The following LPIN2 variants were observed in gnomAD, a reference collection of about 807,000 sequenced individuals.
The protein encoded by LPIN2 is lipin 2, also known as phosphatidate phosphatase LPIN2.
In LPIN2, 55 loss-of-function variants were observed where a neutral mutation model predicts 111.4. The observed-to-expected ratio is 0.49, with a 90% CI of 0.40 to 0.62. The LOEUF (loss-of-function observed/expected upper bound fraction) is 0.62, where lower values mean the gene tolerates loss of function less well. LPIN2 is among the 20% of genes least tolerant of loss of function. The pLI is 0.00. For synonymous variants in LPIN2, 425 were observed against 414.0 expected (o/e 1.03, Z -0.32); for missense variants, 992 against 1,112.1 (o/e 0.89, Z 1.54).
At chr18:2,927,605 A>C (rs767528914) in intron 12 of LPIN2, 117 bp downstream of exon 12, 12 of 1,049,074 alleles carry the variant, frequency 1.1e-5, no homozygotes, top group African/African-American at 1.6e-5. Flanking sequence ...GGAAACTGCT[A>C]TATGGTAAAA....
intron 4 of LPIN2, chr18:2,945,670 A>T: frequency 7.0e-7 from 1 of 1,422,948 alleles, no homozygotes; most frequent in South Asian, 1.1e-5. Flanking sequence ...CATAGTTAAT[A>T]ACTTCGCTTT....
At chr18:2,991,069 C>T (rs535470995) in intron 1 of LPIN2, 274 of 557,648 alleles carry the variant, frequency 4.9e-4, no homozygotes, top group Non-Finnish European at 8.9e-4. Context: ...CAGAATGACT[C>T]GAGCAGACAG....
intron 9 of LPIN2, among the ~76,000 whole-genome samples, chr18:2,929,671 C>T (rs1465312780): frequency 1.3e-5 from 2 of 152,138 alleles, no homozygotes; most frequent in Non-Finnish European, 2.9e-5. Context: ...TCTGGGAGGC[C>T]GATGTGGGCC....
intron 1 of LPIN2, among the ~76,000 whole-genome samples, chr18:3,005,630 TCGTGCC>T (rs1567866715): frequency 3.3e-5 from 5 of 151,250 alleles, no homozygotes; most frequent in South Asian, 2.1e-4. Context: ...TGAGCTGAAA[TCGTGCC>T]ACTGTACTCC....
chr18:2,945,883 T>C (rs2077443972), intron 4 of LPIN2: 9 of 1,447,632 alleles, frequency 6.2e-6, no homozygotes, highest in Non-Finnish European at 7.8e-6. Flanking sequence ...CCAGCATCTT[T>C]TTTAGTCCAC....
intron 4 of LPIN2, among the ~76,000 whole-genome samples, chr18:2,944,332 A>AATTTTTTTTTTTTTTTTT: frequency 9.4e-6 from 1 of 106,300 alleles, no homozygotes; most frequent in Non-Finnish European, 1.9e-5. Context: ...ATTTCCACAA[A>AATTTTTTTTTTTTTTTTT]CTTTTTTTTT....
Position 2,939,689 on chromosome 18 carries a change from C to T in LPIN2, c.699-86G>A, listed in dbSNP as rs921882172. On this transcript the variant is annotated intron_variant, in intron 5 of 19. Transcript: ENST00000677752. ...GCCTGACAGATTAAAAGAAACAAAT[C>T]TGAATATCTTGACTTTATCCTGCAT... 6 of 1,466,750 alleles carry T rather than the reference C, an allele frequency of 4.1e-6. No homozygotes were observed. In the South Asian group the frequency reaches 7.0e-5, roughly 17 times the overall value. The allele number at this position is 1,466,750 out of a possible 1,614,324, so 90.9% of individuals were successfully genotyped here.
chr18:2,972,673 GT>G (rs1185203710), intron 1 of LPIN2, among the ~76,000 whole-genome samples: 1 of 152,130 alleles, frequency 6.6e-6, no homozygotes, highest in Non-Finnish European at 1.5e-5. Flanking sequence ...TCCTAAAACG[GT>G]AAGCAGCACC....
intron 1 of LPIN2, among the ~76,000 whole-genome samples, chr18:2,974,272 G>C (rs528970773): frequency 6.6e-6 from 1 of 152,146 alleles, no homozygotes. Context: ...TAGAGATGGG[G>C]TTTCACCGTG....
chr18:3,006,432 A>G (rs988926069), intron 1 of LPIN2, among the ~76,000 whole-genome samples: 1 of 152,226 alleles, frequency 6.6e-6, no homozygotes, highest in Non-Finnish European at 1.5e-5. Flanking sequence ...GACCGGGCAC[A>G]GTGGCTCACA....
chr18:2,925,262 A>C lies in LPIN2; in HGVS notation c.1900T>G (p.Ser634Ala). Reference protein sequence around the residue: ...TEPLSHGSTTSYKKSLRLSSD... With the variant: ...TEPLSHGSTTAYKKSLRLSSD... The stretch of plus-strand genomic sequence containing the variant: ...GAGAGGCGGAGAGACTTCTTATATG[A>C]AGTTGTGCTGCCGTGGCTCAGGGGC... The change falls in exon 14 of 20, where the codon TCA becomes GCA. Residue 634 changes from serine to alanine, a missense_variant. Ser to Ala is a moderately conservative substitution (Grantham distance 99, BLOSUM62 1). Around this residue, in one of 4 missense-constraint regions of LPIN2, gnomAD observed 709 missense variants for 753.2 expected, o/e 0.94. Transcript: ENST00000677752. This position sits in a 1 kb window ranked among gnomAD's most constrained non-coding sequence, Gnocchi z 4.1. 3 of 1,614,096 alleles carry C rather than the reference A, an allele frequency of 1.9e-6. No individual in the cohort carries two copies. The highest frequency in any genetic ancestry group is 2.5e-6 in the Non-Finnish European group (3 of 1,180,024).
At chr18:2,921,473 AC>A in intron 18 of LPIN2, 59 bp downstream of exon 18, 1 of 1,287,506 alleles carries the variant, frequency 7.8e-7, no homozygotes, top group Non-Finnish European at 1.1e-6. Context: ...GCTACACCCC[AC>A]GAAGTACATC....
chr18:2,990,221 T>C (rs1461962363), intron 1 of LPIN2, among the ~76,000 whole-genome samples: 2 of 152,158 alleles, frequency 1.3e-5, no homozygotes, highest in African/African-American at 2.4e-5. Context: ...GAAGAAAACA[T>C]AGGGTAAATC....
chr18:2,949,682 T>G (rs1436674427), intron 4 of LPIN2, among the ~76,000 whole-genome samples: 1 of 152,232 alleles, frequency 6.6e-6, no homozygotes, highest in Non-Finnish European at 1.5e-5. Context: ...CAAATATAGA[T>G]GTTTAATTCT....
chr18:2,993,635 T>C (rs1024063888), intron 1 of LPIN2, among the ~76,000 whole-genome samples: 4 of 152,224 alleles, frequency 2.6e-5, no homozygotes, highest in African/African-American at 9.6e-5. Flanking sequence ...TTTCATTTTA[T>C]GTATACCTAC....
At chr18:2,944,348 T>TTTTTTTTTTTTTTTG (rs2077413949) in intron 4 of LPIN2, among the ~76,000 whole-genome samples, 1 of 106,064 alleles carries the variant, frequency 9.4e-6, no homozygotes, top group African/African-American at 4.2e-5. Context: ...TTTTTTTTTT[T>TTTTTTTTTTTTTTTG]TTTTTTTTTT....
intron 19 of LPIN2, 97 bp from the exon 20 acceptor site, chr18:2,920,534 G>A: frequency 7.3e-7 from 1 of 1,368,402 alleles, no homozygotes. Flanking sequence ...AGATTGCTCA[G>A]GTGGGCAGGT....
chr18:2,935,841 T>A (rs775994843), intron 7 of LPIN2, among the ~76,000 whole-genome samples: 1 of 152,034 alleles, frequency 6.6e-6, no homozygotes, highest in Non-Finnish European at 1.5e-5. Flanking sequence ...GGCAAAAATG[T>A]ATAATAAAAA....
intron 1 of LPIN2, among the ~76,000 whole-genome samples, chr18:3,012,601 C>A (rs1245487653): frequency 1.3e-5 from 2 of 152,326 alleles, no homozygotes; most frequent in Non-Finnish European, 2.9e-5. Flanking sequence ...AACTCGGCGG[C>A]CCCCGCCTCG....
Sources: gnomAD v4.1 joint callset for allele counts (sites outside exome capture counted in the v4.1 genomes callset) on GRCh38, gnomAD v4.1.1 for gene constraint, gnomAD v4.1.1 regional missense constraint, Gnocchi (gnomAD v3.1) non-coding constraint, MANE v1.5 for transcripts, NCBI Gene and HGNC (gene_info 2026-07-23, HGNC 2026-07-21) for gene names.